The following IKZF2 variants were observed in gnomAD, a reference collection of about 807,000 sequenced individuals.
IKZF2 encodes the protein IKAROS family zinc finger 2.
IKZF2 carries 15 observed loss-of-function variants against 49.2 expected under a neutral mutation model. That is an observed-to-expected ratio of 0.30 (90% CI 0.20 to 0.47). IKZF2 has a LOEUF of 0.47. Ranked by LOEUF, IKZF2 falls within the 20% of genes least tolerant of loss-of-function variation. The pLI is 1.00. For missense variants in IKZF2, 567 were observed against 664.6 expected, an observed-to-expected ratio of 0.85 and a Z score of 1.61; for synonymous variants, 227 against 221.4, an observed-to-expected ratio of 1.03 and a Z score of -0.23.
At chr2:213,111,018 A>T (rs2059688020) in intron 4 of IKZF2, among the ~76,000 whole-genome samples, 1 of 151,986 alleles carries the variant, frequency 6.6e-6, no homozygotes, top group Non-Finnish European at 1.5e-5. Context: ...TGTATTAGAG[A>T]TTAACCGTTT....
intron 4 of IKZF2, among the ~76,000 whole-genome samples, chr2:213,138,519 C>A (rs1434400281): frequency 6.6e-6 from 1 of 151,980 alleles, no homozygotes; most frequent in Non-Finnish European, 1.5e-5. Context: ...ACTATTTAAA[C>A]AGACATATGT....
At position 212,999,737 on chromosome 2, in the gene IKZF2, A is replaced by T. The variant is rs1281282200; in HGVS notation, c.*7623T>A. 1.3e-5 allele frequency: 2 copies of T among 152,534 alleles called. No individual in the cohort carries two copies. Among genetic ancestry groups the T allele is most frequent in the Middle Eastern group, 3.4e-3 (1 of 294 alleles). 9.4% of individuals were successfully genotyped at this position (152,534 alleles called of 1,614,324 possible). A position where few individuals can be genotyped will look rare whatever the true frequency, so the allele number is the denominator to read the frequency against. On this transcript the variant is annotated 3_prime_UTR_variant, in exon 9 of 9. Transcript: ENST00000434687. ...GTTTATTTTATTGGTAAAATATTAA[A>T]TAATATACAGAATTAAAAACTGCAC... is the stretch of plus-strand genomic sequence containing the variant.
Position 213,004,875 on chromosome 2 carries a change from T to G in IKZF2, c.*2485A>C, listed in dbSNP as rs1695195010. On this transcript the variant is annotated 3_prime_UTR_variant, in exon 9 of 9. Transcript: ENST00000434687. Reference sequence around the variant, plus strand: ...ACTAACTACCTTCAATAAAACAGATTCCCAAAAAGATGAAATCAGAAAAGG... The same window carrying G: ...ACTAACTACCTTCAATAAAACAGATGCCCAAAAAGATGAAATCAGAAAAGG... The G allele has an allele frequency of 6.6e-6, 1 of 152,352 alleles. No individual in the cohort carries two copies. Among genetic ancestry groups the G allele is most frequent in the Non-Finnish European group, 1.5e-5 (1 of 67,940 alleles). 9.4% of individuals were successfully genotyped at this position (152,352 alleles called of 1,614,324 possible).
rs530270301 is a variant in IKZF2, at chr2:213,016,604, T to G, written c.713-2670A>C. Among the ~76,000 whole-genome samples the G allele has an allele frequency of 2.6e-5, 4 of 152,280 alleles. No individual in the cohort carries two copies. In the South Asian group the frequency reaches 8.3e-4, roughly 32 times the overall value. ...CAATAATGCATTAATCACATAGACA[T>G]TAATCTGGGCTAAAGATATACCAAT... On this transcript the variant is annotated intron_variant, in intron 7 of 8. Transcript: ENST00000434687.
chr2:213,060,893 T>C (rs1238930470), intron 4 of IKZF2, among the ~76,000 whole-genome samples: 4 of 151,646 alleles, frequency 2.6e-5, no homozygotes, highest in Non-Finnish European at 5.9e-5. Flanking sequence ...AAAACTGTTA[T>C]GGTCAAGTTT....
Position 213,057,021 on chromosome 2 carries a change from C to T in IKZF2, c.218G>A (p.Gly73Asp), listed in dbSNP as rs899970882. 1.2e-6 allele frequency: 2 copies of T among 1,613,898 alleles called. No individual in the cohort carries two copies. Among genetic ancestry groups the T allele is most frequent in the Non-Finnish European group, 8.5e-7 (1 of 1,179,904 alleles). The part of the protein sequence containing the change: ...KPLSREDEIR[G>D]HDEGSSLEEP... ...TTCTAGGCTGCTACCCTCATCATGG[C>T]CCCTGATCTCATCTTCACGGCTCAG... The change falls in exon 5 of 9, where the codon GGC (glycine) becomes GAC (aspartate). Residue 73 changes from glycine (G) to aspartate (D), a missense_variant. Physicochemically the swap from Gly to Asp is moderately conservative, Grantham distance 94. Transcript: ENST00000434687.
chr2:213,064,727 C>T (rs1196861120), intron 4 of IKZF2, among the ~76,000 whole-genome samples: 4 of 69,030 alleles, frequency 5.8e-5, no homozygotes, highest in Non-Finnish European at 1.6e-4. Flanking sequence ...TCAATATCTT[C>T]TATGTCTTGC....
chr2:213,027,392 C>T (rs1035586530), intron 6 of IKZF2, among the ~76,000 whole-genome samples: 2 of 151,904 alleles, frequency 1.3e-5, no homozygotes, highest in South Asian at 2.1e-4. Flanking sequence ...AGTTAATAAT[C>T]GTCTCACTTT....
chr2:213,143,880 A>G (rs186538823), intron 4 of IKZF2, among the ~76,000 whole-genome samples: 3 of 152,096 alleles, frequency 2.0e-5, no homozygotes, highest in Admixed American at 1.3e-4. Context: ...CCAGTATTGG[A>G]CACGGCAGAC....
At chr2:213,097,246 TATA>T (rs1706113552) in intron 4 of IKZF2, among the ~76,000 whole-genome samples, 2 of 151,936 alleles carry the variant, frequency 1.3e-5, no homozygotes, top group Non-Finnish European at 1.5e-5. Context: ...TAATCAGATT[TATA>T]ATAATATAAA....
At chr2:213,088,056 T>C (rs1251012361) in intron 4 of IKZF2, among the ~76,000 whole-genome samples, 2 of 152,204 alleles carry the variant, frequency 1.3e-5, no homozygotes, top group Non-Finnish European at 2.9e-5. Flanking sequence ...ATATTTCTAG[T>C]TCTAGATCCC....
At chr2:213,107,583 AGTCATTG>A (rs1362952878) in intron 4 of IKZF2, among the ~76,000 whole-genome samples, 1 of 152,214 alleles carries the variant, frequency 6.6e-6, no homozygotes, top group East Asian at 1.9e-4. Flanking sequence ...GTTCAAGTTC[AGTCATTG>A]CTGGAACTGT....
intron 6 of IKZF2, among the ~76,000 whole-genome samples, chr2:213,042,781 A>G (rs1030117156): frequency 6.6e-6 from 1 of 152,148 alleles, no homozygotes; most frequent in Admixed American, 6.5e-5. Context: ...TATGGTTTAG[A>G]CCAGAAAAAT....
intron 6 of IKZF2, among the ~76,000 whole-genome samples, chr2:213,042,790 A>G (rs944487116): frequency 4.6e-5 from 7 of 152,166 alleles, no homozygotes; most frequent in African/African-American, 1.7e-4. Context: ...GACCAGAAAA[A>G]TTACATGCTA....
chr2:213,025,102 T>C (rs1407894383), intron 6 of IKZF2, among the ~76,000 whole-genome samples: 9 of 152,150 alleles, frequency 5.9e-5, no homozygotes, highest in Non-Finnish European at 1.5e-5. Context: ...ATTAATCCTC[T>C]GTCTTCCTAA....
chr2:213,049,802 T>G lies in IKZF2; in HGVS notation c.485A>C (p.His162Pro), dbSNP rs1166398297. The G allele has an allele frequency of 6.2e-7, 1 of 1,610,346 alleles. No homozygotes were observed. The highest frequency in any genetic ancestry group is 8.5e-7 in the Non-Finnish European group (1 of 1,177,874). ...ACATTTGAACGGCTTCTCTCCAGAG[T>G]GTAACTTTATGTGTCTCAGAAGGTT... Reference protein sequence around the residue: ...KGNLLRHIKLHSGEKPFKCPF... With the variant: ...KGNLLRHIKLPSGEKPFKCPF... The change falls in exon 6 of 9, where the codon CAC becomes CCC. Residue 162 changes from histidine to proline, a missense_variant. Around this residue, in one of 5 missense-constraint regions of IKZF2, gnomAD observed 54 missense variants for 119.9 expected, o/e 0.45. Transcript: ENST00000434687.
chr2:213,084,605 T>TG (rs1358457587), intron 4 of IKZF2, among the ~76,000 whole-genome samples: 3 of 4,610 alleles, frequency 6.5e-4, no homozygotes, highest in East Asian at 0.011. Context: ...AAAAAGAAAT[T>TG]GAAAAAAAAA....
chr2:213,053,144 A>G (rs1463470925), intron 5 of IKZF2, among the ~76,000 whole-genome samples: 1 of 152,172 alleles, frequency 6.6e-6, no homozygotes, highest in Non-Finnish European at 1.5e-5. Context: ...ATCCAAGCTG[A>G]AAACATTAAG....
chr2:213,147,578 T>C, intron 4 of IKZF2, 130 bp downstream of exon 4: 1 of 778,940 alleles, frequency 1.3e-6, no homozygotes, highest in Non-Finnish European at 2.3e-6. Context: ...ATCTGTGTTG[T>C]TCTTTCTTTA....
Sources: gnomAD v4.1 joint callset for allele counts (sites outside exome capture counted in the v4.1 genomes callset) on GRCh38, gnomAD v4.1.1 for gene constraint, gnomAD v4.1.1 regional missense constraint, MANE v1.5 for transcripts, NCBI Gene and HGNC (gene_info 2026-07-23, HGNC 2026-07-21) for gene names.